Variants in MYRIP observed in about 807,000 individuals in gnomAD.
MYRIP encodes myosin VIIA and Rab interacting protein, also known as rab effector MyRIP.
A neutral mutation model predicts 98.0 loss-of-function variants in MYRIP; 49 were observed. The ratio of observed to expected loss-of-function variants is 0.50; its 90% CI spans 0.40 to 0.63. The LOEUF is 0.63. MYRIP is among the 30% of genes least tolerant of loss of function. The pLI, the probability that MYRIP is intolerant of heterozygous loss-of-function variation, is 0.00. For missense variants in MYRIP, 1,004 were observed against 1,058.2 expected (o/e 0.95, Z 0.71); for synonymous variants, 404 against 409.5 (o/e 0.99, Z 0.16).
At chr3:40,114,469 G>A (rs942100797) in intron 3 of MYRIP, among the ~76,000 whole-genome samples, 1 of 152,138 alleles carries the variant, frequency 6.6e-6, no homozygotes, top group Non-Finnish European at 1.5e-5. Flanking sequence ...GTATACCATA[G>A]CTAACATCAA....
At chr3:39,820,049 A>G (rs1400211558) in intron 1 of MYRIP, among the ~76,000 whole-genome samples, 1 of 152,186 alleles carries the variant, frequency 6.6e-6, no homozygotes, top group East Asian at 1.9e-4. Context: ...ACACAAATCC[A>G]TGCTGTGGGC....
intron 2 of MYRIP, among the ~76,000 whole-genome samples, chr3:40,010,417 A>G (rs1402892416): frequency 6.6e-6 from 1 of 152,220 alleles, no homozygotes; most frequent in Non-Finnish European, 1.5e-5. Flanking sequence ...AGTAGGAGAC[A>G]GCCATAGAGG....
At chr3:40,123,176 A>G (rs1227785589) in intron 3 of MYRIP, among the ~76,000 whole-genome samples, 1 of 152,232 alleles carries the variant, frequency 6.6e-6, no homozygotes, top group Non-Finnish European at 1.5e-5. Flanking sequence ...TGTAATAAAA[A>G]TCAGCATCAT....
intron 7 of MYRIP, 121 bp from the exon 8 acceptor site, chr3:40,169,829 G>A (rs1950574154): frequency 1.1e-5 from 13 of 1,141,172 alleles, no homozygotes; most frequent in Non-Finnish European, 1.4e-5. Context: ...ACAGCCTGGT[G>A]TTCTGTTGAA....
At chr3:39,971,510 A>G (rs1432660451) in intron 2 of MYRIP, among the ~76,000 whole-genome samples, 1 of 152,220 alleles carries the variant, frequency 6.6e-6, no homozygotes, top group East Asian at 1.9e-4. Flanking sequence ...ATAGAAAACC[A>G]GATGGAAGCA....
intron 11 of MYRIP, among the ~76,000 whole-genome samples, chr3:40,218,608 T>C (rs1351917987): frequency 0.49 from 8,864 of 17,938 alleles, 1,165 homozygotes; most frequent in African/African-American, 0.53. Flanking sequence ...CATATATATA[T>C]ATTTTATATA....
chr3:40,018,336 G>A (rs796449666), intron 2 of MYRIP, among the ~76,000 whole-genome samples: 6 of 152,172 alleles, frequency 3.9e-5, no homozygotes, highest in Non-Finnish European at 7.4e-5. Context: ...GATATAAATC[G>A]AGTGCTTGTC....
chr3:39,893,713 C>A (rs917692977), intron 1 of MYRIP, among the ~76,000 whole-genome samples: 1 of 151,418 alleles, frequency 6.6e-6, no homozygotes, highest in East Asian at 1.9e-4. Context: ...CACACGCATG[C>A]ACACATACAT....
chr3:40,130,955 C>G (rs1340662338), intron 3 of MYRIP, among the ~76,000 whole-genome samples: 1 of 152,128 alleles, frequency 6.6e-6, no homozygotes, highest in Non-Finnish European at 1.5e-5. Context: ...TGGGGTAGCA[C>G]TTGGTCTTAG....
rs1425129796 is a variant in MYRIP at position 39,912,979 on chromosome 3, G to A, written c.110+12053G>A. Among the ~76,000 whole-genome samples, 3 of 152,194 alleles carry A rather than the reference G, an allele frequency of 2.0e-5. No individual in the cohort carries two copies. The East Asian group carries it at 5.8e-4, about 29-fold the overall frequency. ...CACTTGAACCCAGGAGGCGGAGGTT[G>A]CAGTAAGCTGAGATTGCACCACTGC... On this transcript the variant is annotated intron_variant, in intron 2 of 16. Transcript: ENST00000302541.
intron 3 of MYRIP, among the ~76,000 whole-genome samples, chr3:40,123,799 G>A (rs1473499748): frequency 6.6e-6 from 1 of 152,168 alleles, no homozygotes; most frequent in Non-Finnish European, 1.5e-5. Flanking sequence ...CATTTGCTAG[G>A]CTAAAGTGTT....
intron 3 of MYRIP, among the ~76,000 whole-genome samples, chr3:40,055,170 C>T (rs1331937710): frequency 6.6e-6 from 1 of 152,128 alleles, no homozygotes; most frequent in Non-Finnish European, 1.5e-5. Context: ...TCCTTAGCAC[C>T]ACCTTTTTAT....
intron 2 of MYRIP, among the ~76,000 whole-genome samples, chr3:39,944,106 A>ATT (rs1355258297): frequency 6.6e-6 from 1 of 152,194 alleles, no homozygotes; most frequent in African/African-American, 2.4e-5. Context: ...ATACTATTGT[A>ATT]GGCTCATACA....
intron 1 of MYRIP, among the ~76,000 whole-genome samples, chr3:39,838,624 A>G (rs1483417127): frequency 6.6e-6 from 1 of 152,086 alleles, no homozygotes; most frequent in African/African-American, 2.4e-5. Flanking sequence ...TATCTTATTG[A>G]GGATTTTCGC....
chr3:40,074,901 A>C (rs1948311086), intron 3 of MYRIP, among the ~76,000 whole-genome samples: 1 of 152,224 alleles, frequency 6.6e-6, no homozygotes, highest in African/African-American at 2.4e-5. Flanking sequence ...ACTGCAAATT[A>C]AGACTCTTTT....
chr3:39,860,884 G>A (rs1942448913), intron 1 of MYRIP, among the ~76,000 whole-genome samples: 1 of 152,216 alleles, frequency 6.6e-6, no homozygotes, highest in Admixed American at 6.5e-5. Context: ...GAAGGCACCA[G>A]CCCCATACCT....
At chr3:39,849,095 A>G (rs1481959452) in intron 1 of MYRIP, among the ~76,000 whole-genome samples, 2 of 152,204 alleles carry the variant, frequency 1.3e-5, no homozygotes, top group African/African-American at 4.8e-5. Context: ...ACATCTGTCT[A>G]TCCTATAGGA....
intron 2 of MYRIP, among the ~76,000 whole-genome samples, chr3:40,001,111 A>G (rs993753247): frequency 1.3e-5 from 2 of 152,238 alleles, no homozygotes; most frequent in Non-Finnish European, 2.9e-5. Flanking sequence ...AAAAAATTTA[A>G]CAAGCATAAC....
intron 1 of MYRIP, among the ~76,000 whole-genome samples, chr3:39,851,006 T>C (rs1468547553): frequency 6.6e-6 from 1 of 152,148 alleles, no homozygotes; most frequent in Admixed American, 6.5e-5. Flanking sequence ...AGACTTACAC[T>C]GTGTCCAGAC....
Sources: allele counts gnomAD v4.1 joint callset (sites outside exome capture counted in the v4.1 genomes callset), GRCh38; gene constraint gnomAD v4.1.1; transcripts MANE v1.5; gene names NCBI Gene and HGNC (gene_info 2026-07-23, HGNC 2026-07-21).